The following DNAJB6 variants were observed in gnomAD, a reference collection of about 807,000 sequenced individuals.
DNAJB6 encodes DnaJ heat shock protein family (Hsp40) member B6.
DNAJB6 carries 16 observed loss-of-function variants against 42.7 expected under a neutral mutation model. The observed-to-expected ratio is 0.37, with a 90% CI of 0.25 to 0.57. DNAJB6 has a LOEUF of 0.57. Ranked by LOEUF, DNAJB6 falls within the 20% of genes least tolerant of loss-of-function variation. DNAJB6 has a pLI of 0.74. For synonymous variants in DNAJB6, 170 were observed against 163.5 expected (o/e 1.04, Z -0.30); for missense variants, 347 against 416.8 (o/e 0.83, Z 1.46).
rs139049970 is a variant in DNAJB6 at position 157,382,600 on chromosome 7, A to G, written c.478+223A>G. ...CTTGGAAATCTTCTCCTCTTAATAT[A>G]ATAATCAAGGCCAGAATGTAATGAA... On this transcript the variant is annotated intron_variant, in intron 6 of 9. Transcript: ENST00000262177. 2.8e-3 allele frequency: 947 copies of G among 336,970 alleles called. 12 individuals carry two copies. The highest frequency in any genetic ancestry group is 0.018 in the African/African-American group (858 of 46,672). The allele number at this position is 336,970 out of a possible 1,614,324, so 20.9% of individuals were successfully genotyped here.
Position 157,339,280 on chromosome 7 carries a change from C to CT in DNAJB6, c.-27+2136_-27+2137insT, listed in dbSNP as rs1798214978. Among the ~76,000 whole-genome samples, 7 of 116,510 alleles carry CT rather than the reference C, an allele frequency of 6.0e-5. No homozygotes were observed. In the South Asian group the frequency reaches 1.9e-3, roughly 31 times the overall value. 76.4% of individuals were successfully genotyped at this position (116,510 alleles called of 152,430 possible). On this transcript the variant is annotated intron_variant, in intron 1 of 9. Transcript: ENST00000262177. Reference sequence around the variant, plus strand: ...GTGGGGGTGGAATGGTCTGTTTGCACCTTTTTTTTTTTTTTTTTTTTTTTT... The same window carrying CT: ...GTGGGGGTGGAATGGTCTGTTTGCACTCTTTTTTTTTTTTTTTTTTTTTTTT...
intron 8 of DNAJB6, among the ~76,000 whole-genome samples, chr7:157,386,656 G>T (rs1801075995): frequency 6.6e-6 from 1 of 152,150 alleles, no homozygotes; most frequent in African/African-American, 2.4e-5. Context: ...GCTGAGGCGG[G>T]TGGATCACCT....
At chr7:157,385,063 G>C in intron 7 of DNAJB6, 55 bp downstream of exon 7, 1 of 1,563,222 alleles carries the variant, frequency 6.4e-7, no homozygotes. Flanking sequence ...ACGTTTCACT[G>C]GTGCCATGTT....
intron 8 of DNAJB6, among the ~76,000 whole-genome samples, chr7:157,397,764 C>T (rs768742237): frequency 2.0e-5 from 3 of 152,196 alleles, no homozygotes; most frequent in Non-Finnish European, 2.9e-5. Flanking sequence ...ACCTGTTCTC[C>T]CTCTCGACCT....
intron 1 of DNAJB6, among the ~76,000 whole-genome samples, chr7:157,354,238 C>T (rs1246717269): frequency 1.3e-5 from 2 of 152,014 alleles, no homozygotes; most frequent in Non-Finnish European, 2.9e-5. Context: ...GCCTCCGCTT[C>T]CTGGGTTCAA....
chr7:157,411,056 C>G (rs1412813088), intron 9 of DNAJB6: 2 of 152,320 alleles, frequency 1.3e-5, no homozygotes, highest in Non-Finnish European at 2.9e-5. Flanking sequence ...ACCTGCCGTG[C>G]TGCGCTCACC....
chr7:157,403,290 C>T (rs559227482), intron 8 of DNAJB6, among the ~76,000 whole-genome samples: 216 of 152,232 alleles, frequency 1.4e-3, no homozygotes, highest in South Asian at 6.0e-3. Context: ...GTCAGATATG[C>T]GTTTGTTTCG....
At chr7:157,372,143 C>T (rs756769531) in intron 5 of DNAJB6, 1 of 152,592 alleles carries the variant, frequency 6.6e-6, no homozygotes, top group Non-Finnish European at 1.5e-5. Context: ...TTTTACTCTC[C>T]CAGGGTTTGA....
intron 8 of DNAJB6, among the ~76,000 whole-genome samples, chr7:157,408,986 C>T (rs75696695): frequency 0.09 from 13,709 of 152,282 alleles, 954 homozygotes; most frequent in East Asian, 0.3. Context: ...CCTGCGGCCT[C>T]GCACACTTGC....
intron 8 of DNAJB6, among the ~76,000 whole-genome samples, chr7:157,392,658 G>A (rs984087570): frequency 1.1e-4 from 17 of 152,140 alleles, no homozygotes; most frequent in Middle Eastern, 3.2e-3. Flanking sequence ...TTTCCAGCTC[G>A]TTTCTAGGCC....
intron 2 of DNAJB6, among the ~76,000 whole-genome samples, chr7:157,362,138 A>G (rs182353240): frequency 6.6e-6 from 1 of 152,300 alleles, no homozygotes; most frequent in South Asian, 2.1e-4. Flanking sequence ...GACCTTGGTC[A>G]TAGAATCTTT....
chr7:157,372,304 C>A (rs931550841), intron 5 of DNAJB6: 2 of 152,866 alleles, frequency 1.3e-5, no homozygotes, highest in Non-Finnish European at 2.9e-5. Flanking sequence ...CTAGTGAGGA[C>A]GAGGCCTGCA....
In DNAJB6 at chr7:157,416,550, G is replaced by C. The variant is rs960456796; in HGVS notation, c.*452G>C. ...AGTAGAGTGTAACTTAGAGAATATT[G>C]CAAGTGACACATTGAATCCTGCCCG... On this transcript the variant is annotated 3_prime_UTR_variant, in exon 10 of 10. Transcript: ENST00000262177. The C allele has an allele frequency of 4.4e-5, 7 of 157,626 alleles. No homozygotes were observed. The highest frequency in any genetic ancestry group is 1.7e-4 in the African/African-American group (7 of 41,672). The allele number at this position is 157,626 out of a possible 1,614,324, so 9.8% of individuals were successfully genotyped here. A position where few individuals can be genotyped will look rare whatever the true frequency, so the allele number is the denominator to read the frequency against.
intron 9 of DNAJB6, chr7:157,411,246 G>GGCTCCCC (rs1795963176): frequency 7.0e-6 from 1 of 142,000 alleles, no homozygotes; most frequent in African/African-American, 2.6e-5. Context: ...GGGTGGGGGA[G>GGCTCCCC]ACTCCCCACG....
chr7:157,340,886 C>T (rs995648588), intron 1 of DNAJB6, among the ~76,000 whole-genome samples: 6 of 151,974 alleles, frequency 3.9e-5, no homozygotes, highest in East Asian at 1.9e-4. Context: ...AGGCTGGTCT[C>T]GAACACCTGA....
intron 9 of DNAJB6, chr7:157,414,317 GCT>G (rs1563156151): frequency 6.6e-6 from 1 of 152,312 alleles, no homozygotes; most frequent in Non-Finnish European, 1.5e-5. Flanking sequence ...GGGGCACGAG[GCT>G]CCTCTGAGGG....
chr7:157,356,826 T>G (rs559623336), intron 1 of DNAJB6, among the ~76,000 whole-genome samples: 1 of 152,362 alleles, frequency 6.6e-6, no homozygotes, highest in South Asian at 2.1e-4. Flanking sequence ...ATCTTGTAGT[T>G]GGCATATTAA....
At chr7:157,352,771 AAAC>A (rs1799061129) in intron 1 of DNAJB6, among the ~76,000 whole-genome samples, 1 of 152,120 alleles carries the variant, frequency 6.6e-6, no homozygotes, top group African/African-American at 2.4e-5. Context: ...CATCATCTGT[AAAC>A]AACCATGGAA....
At chr7:157,405,070 G>A (rs2117190933) in intron 8 of DNAJB6, among the ~76,000 whole-genome samples, 1 of 152,330 alleles carries the variant, frequency 6.6e-6, no homozygotes, top group Admixed American at 6.5e-5. Context: ...CAGAAGCAGG[G>A]TCCTTGGGTC....
Sources: gnomAD v4.1 joint callset for allele counts (sites outside exome capture counted in the v4.1 genomes callset) on GRCh38, gnomAD v4.1.1 for gene constraint, MANE v1.5 for transcripts, NCBI Gene and HGNC (gene_info 2026-07-23, HGNC 2026-07-21) for gene names.